The following RFT1 variants were observed in gnomAD, a reference collection of about 807,000 sequenced individuals.
The protein encoded by RFT1 is RFT1 glycolipid translocator homolog.
Under a neutral mutation model 62.2 loss-of-function variants are expected in RFT1, and 43 were observed. The observed-to-expected ratio is 0.69, with a 90% CI of 0.54 to 0.89. The LOEUF is 0.89. Ranked by LOEUF, RFT1 falls within the 40% of genes least tolerant of loss-of-function variation. The probability of loss-of-function intolerance (pLI) is 0.00; values close to 1 mark genes in which losing one functional copy is unlikely to be tolerated. For synonymous variants in RFT1, 262 were observed against 264.6 expected (o/e 0.99, Z 0.10); for missense variants, 605 against 649.9 (o/e 0.93, Z 0.75).
chr3:53,121,073 G>A (rs1208501678), intron 5 of RFT1, among the ~76,000 whole-genome samples: 1 of 152,144 alleles, frequency 6.6e-6, no homozygotes, highest in East Asian at 1.9e-4. Flanking sequence ...AAATGTTCTG[G>A]TAACTATCTG....
At chr3:53,111,770 G>C (rs1252429904) in intron 7 of RFT1, 60 bp downstream of exon 7, 3 of 1,395,578 alleles carry the variant, frequency 2.1e-6, no homozygotes, top group Non-Finnish European at 3.1e-6. Flanking sequence ...GTAATTGGCA[G>C]TCCTATGAAA....
intron 6 of RFT1, among the ~76,000 whole-genome samples, chr3:53,115,262 T>C: frequency 6.6e-6 from 1 of 152,150 alleles, no homozygotes; most frequent in South Asian, 2.1e-4. Context: ...GTGAACAAGA[T>C]ACTTAATTTT....
downstream of RFT1, among the ~76,000 whole-genome samples, chr3:53,084,335 G>C (rs966272592): frequency 6.6e-6 from 1 of 152,210 alleles, no homozygotes. Flanking sequence ...AAATGAAAGG[G>C]CAAAGAAGTG....
intron 6 of RFT1, among the ~76,000 whole-genome samples, chr3:53,114,362 T>C (rs1432846325): frequency 2.0e-5 from 3 of 152,166 alleles, no homozygotes; most frequent in Non-Finnish European, 2.9e-5. Flanking sequence ...GACAAAGTTC[T>C]TTGGGAGAAT....
downstream of RFT1, chr3:53,088,403 G>C (rs1191882076): frequency 6.6e-6 from 1 of 152,188 alleles, no homozygotes; most frequent in Non-Finnish European, 1.5e-5. Context: ...ACATCCTCAA[G>C]TTACTTACCT....
At chr3:53,081,363 C>A in the RFT1 span, among the ~76,000 whole-genome samples, 1 of 152,166 alleles carries the variant, frequency 6.6e-6, no homozygotes, top group African/African-American at 2.4e-5. Flanking sequence ...AGGAGCAGAG[C>A]CTGGCACAGC....
intron 6 of RFT1, among the ~76,000 whole-genome samples, chr3:53,119,311 TAGAG>T (rs1701900752): frequency 6.6e-6 from 1 of 152,040 alleles, no homozygotes; most frequent in Non-Finnish European, 1.5e-5. Context: ...CACAGCAGAA[TAGAG>T]AGAGTGGAAC....
chr3:53,099,167 G>A (rs1402140936), intron 11 of RFT1, among the ~76,000 whole-genome samples: 2 of 152,194 alleles, frequency 1.3e-5, no homozygotes, highest in African/African-American at 4.8e-5. Flanking sequence ...GAGGCAAAGA[G>A]TAGTTGCTGC....
rs1701998502 is a variant in RFT1 at position 53,122,502 on chromosome 3, C to T, written c.328G>A (p.Val110Met). 6.2e-7 allele frequency: 1 copy of T among 1,613,896 alleles called. No homozygotes were observed. Among genetic ancestry groups the T allele is most frequent in the Non-Finnish European group, 8.5e-7 (1 of 1,179,928 alleles). ...LGWIWLQLLE[V>M]PDPNVVPHYA... The stretch of plus-strand genomic sequence containing the variant: ...TGAGGGACAACATTAGGATCAGGCA[C>T]TTCAAGCAGCTGCAACCAGATCCAG... The change falls in exon 4 of 13, where the codon GTG (valine) becomes ATG (methionine). Residue 110 changes from valine to methionine, a missense_variant. Transcript: ENST00000296292.
At chr3:53,075,374 G>A in the RFT1 span, among the ~76,000 whole-genome samples, 31 of 152,330 alleles carry the variant, frequency 2.0e-4, no homozygotes, top group Non-Finnish European at 3.5e-4. Flanking sequence ...TGATGGCTGA[G>A]GGAGAGGATA....
intron 8 of RFT1, among the ~76,000 whole-genome samples, chr3:53,106,515 A>G (rs1267497614): frequency 1.3e-5 from 2 of 152,162 alleles, no homozygotes; most frequent in South Asian, 4.1e-4. Flanking sequence ...CCACACAAAC[A>G]TGGGGCAGAT....
chr3:53,111,405 CAA>C (rs879436356), intron 7 of RFT1, among the ~76,000 whole-genome samples: 3 of 114,878 alleles, frequency 2.6e-5, no homozygotes, highest in Admixed American at 8.8e-5. Flanking sequence ...GACTCCATCT[CAA>C]AAAAAAAAAA....
Position 53,125,967 on chromosome 3 carries a change from A to G in RFT1, c.91T>C (p.Leu31=). The G allele has an allele frequency of 6.2e-7, 1 of 1,613,872 alleles. No homozygotes were observed. The highest frequency in any genetic ancestry group is 8.5e-7 in the Non-Finnish European group (1 of 1,179,810). Residue 31 remains leucine, a synonymous_variant, in exon 2 of 13, where the codon TTG becomes CTG. Coordinates refer to ENST00000296292, the MANE Select transcript of RFT1 (RefSeq NM_052859.4). ...AGGAAGCGAAGAATAAATGCATTCA[A>G]GACAAAGGTGATCAACCGAAACAAC... is the stretch of plus-strand genomic sequence containing the variant. ...QVLFRLITFV[L]NAFILRFLSK...
rs62255926 is a variant in RFT1 at position 53,091,413 on chromosome 3, A to T, written c.*490T>A. On this transcript the variant is annotated 3_prime_UTR_variant, in exon 13 of 13. Coordinates refer to ENST00000296292, the MANE Select transcript of RFT1 (RefSeq NM_052859.4). Reference sequence around the variant, plus strand: ...CCACAGTTTTGACACAAAGAAAGCCACAACTTCAGGGCCACACTCTGTTTC... The same window carrying T: ...CCACAGTTTTGACACAAAGAAAGCCTCAACTTCAGGGCCACACTCTGTTTC... The T allele has an allele frequency of 0.21, 34,294 of 160,944 alleles. 4,603 individuals are homozygous for T. The highest frequency in any genetic ancestry group is 0.36 in the Middle Eastern group (107 of 298). 10.0% of individuals were successfully genotyped at this position (160,944 alleles called of 1,614,324 possible).
At chr3:53,071,459 C>A in the RFT1 span, among the ~76,000 whole-genome samples, 1 of 152,176 alleles carries the variant, frequency 6.6e-6, no homozygotes, top group Non-Finnish European at 1.5e-5. Flanking sequence ...ATGGGGCCAC[C>A]CTCCTCGCTA....
intron 1 of RFT1, among the ~76,000 whole-genome samples, chr3:53,126,732 A>T (rs1158078247): frequency 1.3e-5 from 2 of 152,224 alleles, no homozygotes; most frequent in Non-Finnish European, 2.9e-5. Flanking sequence ...CATCTAAGCA[A>T]AGAACTTCTC....
In RFT1 at chr3:53,121,741, C is replaced by T. The variant is rs1290755219; in HGVS notation, c.516G>A (p.Leu172=). The T allele has an allele frequency of 1.2e-6, 2 of 1,614,020 alleles. No homozygotes were observed. The highest frequency in any genetic ancestry group is 1.7e-5 in the Admixed American group (1 of 59,986). The change falls in exon 5 of 13, where the codon CTG becomes CTA. Residue 172 remains leucine (L), a synonymous_variant. Coordinates refer to ENST00000296292, the MANE Select transcript of RFT1 (RefSeq NM_052859.4). ...LKSVLTAFLV[L]WLPHWGLYIF... ...TGTACAATCCCCAGTGAGGCAACCA[C>T]AGCACGAGAAAAGCTGTCAGAACGC...
chr3:53,123,463 G>A (rs1457715486), intron 3 of RFT1, among the ~76,000 whole-genome samples: 1 of 152,220 alleles, frequency 6.6e-6, no homozygotes, highest in African/African-American at 2.4e-5. Context: ...CTCCAAAGAG[G>A]ATGAAACCAG....
At chr3:53,108,517 T>G (rs1701554862) in intron 7 of RFT1, among the ~76,000 whole-genome samples, 1 of 151,684 alleles carries the variant, frequency 6.6e-6, no homozygotes, top group African/African-American at 2.4e-5. Context: ...GCCTCCTGAG[T>G]AGCTGGGATT....
Sources: allele counts gnomAD v4.1 joint callset (sites outside exome capture counted in the v4.1 genomes callset), GRCh38; gene constraint gnomAD v4.1.1; transcripts MANE v1.5; gene names NCBI Gene and HGNC (gene_info 2026-07-23, HGNC 2026-07-21).